Variants in GMDS observed in about 807,000 individuals in gnomAD.
GMDS encodes the protein GDP-mannose 4,6 dehydratase.
GMDS carries 20 observed loss-of-function variants against 49.9 expected under a neutral mutation model. That is an observed-to-expected ratio of 0.40 (90% CI 0.28 to 0.58). GMDS has a LOEUF of 0.58. GMDS is among the 20% of genes least tolerant of loss of function. GMDS has a pLI of 0.42. For missense variants in GMDS, 362 were observed against 481.4 expected (o/e 0.75, Z 2.32); for synonymous variants, 177 against 178.6 (o/e 0.99, Z 0.07).
chr6:2,039,870 T>C (rs1769550605), intron 4 of GMDS, among the ~76,000 whole-genome samples: 1 of 152,208 alleles, frequency 6.6e-6, no homozygotes, highest in South Asian at 2.1e-4. Context: ...GCACATAAAC[T>C]AGTAGTATAG....
intron 9 of GMDS, among the ~76,000 whole-genome samples, chr6:1,653,559 A>G (rs544353668): frequency 3.4e-4 from 52 of 152,332 alleles, no homozygotes; most frequent in Admixed American, 3.1e-3. Context: ...TGAAAACTAC[A>G]AAGATACAGT....
chr6:2,229,408 CAA>C (rs1210456971), intron 1 of GMDS, among the ~76,000 whole-genome samples: 13 of 89,264 alleles, frequency 1.5e-4, no homozygotes, highest in Admixed American at 1.2e-4. Flanking sequence ...CCTGTTTCTA[CAA>C]AAAAAAAAAA....
intron 7 of GMDS, among the ~76,000 whole-genome samples, chr6:1,891,063 C>G (rs774208931): frequency 2.6e-5 from 4 of 152,116 alleles, no homozygotes; most frequent in Non-Finnish European, 4.4e-5. Context: ...TTCACAAAGC[C>G]AACTCCTGAT....
chr6:1,630,009 C>T (rs2077360802), intron 9 of GMDS, among the ~76,000 whole-genome samples: 1 of 152,150 alleles, frequency 6.6e-6, no homozygotes, highest in Non-Finnish European at 1.5e-5. Flanking sequence ...CAGGTGTTCA[C>T]TTCAGGAAAG....
At chr6:1,759,783 C>T (rs1768090191) in intron 7 of GMDS, among the ~76,000 whole-genome samples, 1 of 152,298 alleles carries the variant, frequency 6.6e-6, no homozygotes, top group South Asian at 2.1e-4. Flanking sequence ...GGTATGGCTC[C>T]TTTCTAAAAC....
chr6:1,990,447 C>T (rs2127361875), intron 4 of GMDS, among the ~76,000 whole-genome samples: 1 of 152,356 alleles, frequency 6.6e-6, no homozygotes, highest in East Asian at 1.9e-4. Flanking sequence ...ACCTTCTGCT[C>T]AGATGTTGTC....
At chr6:1,649,185 G>T (rs1352833008) in intron 9 of GMDS, among the ~76,000 whole-genome samples, 1 of 152,176 alleles carries the variant, frequency 6.6e-6, no homozygotes, top group Non-Finnish European at 1.5e-5. Flanking sequence ...TCCTGGTTTG[G>T]AATAATACTG....
chr6:1,825,679 C>T (rs1024230370), intron 7 of GMDS, among the ~76,000 whole-genome samples: 4 of 152,138 alleles, frequency 2.6e-5, no homozygotes, highest in Admixed American at 6.5e-5. Flanking sequence ...CTAAACATTT[C>T]GAAACAGTTT....
chr6:1,804,431 G>A (rs1237689994), intron 7 of GMDS, among the ~76,000 whole-genome samples: 1 of 152,238 alleles, frequency 6.6e-6, no homozygotes, highest in South Asian at 2.1e-4. Flanking sequence ...TGGTAACTGT[G>A]GCGTCTGCCA....
intron 1 of GMDS, among the ~76,000 whole-genome samples, chr6:2,212,221 A>C (rs1310622669): frequency 6.6e-6 from 1 of 152,228 alleles, no homozygotes; most frequent in African/African-American, 2.4e-5. Context: ...TAAAATAGCA[A>C]TATCTCAACT....
chr6:1,762,605 C>G (rs1768202873), intron 7 of GMDS, among the ~76,000 whole-genome samples: 1 of 152,228 alleles, frequency 6.6e-6, no homozygotes, highest in Non-Finnish European at 1.5e-5. Context: ...TTCTTTCTTT[C>G]AGCCTCCAAC....
At chr6:1,828,127 G>C (rs1771205212) in intron 7 of GMDS, among the ~76,000 whole-genome samples, 1 of 152,018 alleles carries the variant, frequency 6.6e-6, no homozygotes, top group Non-Finnish European at 1.5e-5. Context: ...AGAAATTCTG[G>C]AGCTGGAAAG....
chr6:1,713,305 T>G lies in GMDS; in HGVS notation c.987+13111A>C, dbSNP rs147087985. On this transcript the variant is annotated intron_variant, in intron 9 of 10. Coordinates refer to ENST00000380815, the MANE Select transcript of GMDS (RefSeq NM_001500.4). Reference sequence around the variant, plus strand: ...CTCCACTGGACTCCAGTGTGTGTTATCTTTTCACCTCCTTCCTGGGAAGAG... The same window carrying G: ...CTCCACTGGACTCCAGTGTGTGTTAGCTTTTCACCTCCTTCCTGGGAAGAG... Among the ~76,000 whole-genome samples the G allele has an allele frequency of 2.1e-3, 316 of 152,352 alleles. 2 individuals are homozygous for G. The highest frequency in any genetic ancestry group is 7.5e-3 in the African/African-American group (310 of 41,586).
In GMDS at chr6:1,624,072, G is replaced by A; in HGVS notation, c.*97C>T. The A allele has an allele frequency of 3.6e-6, 4 of 1,120,076 alleles. No individual in the cohort carries two copies. Among genetic ancestry groups the A allele is most frequent in the Non-Finnish European group, 5.2e-6 (4 of 767,046 alleles). 69.4% of individuals were successfully genotyped at this position (1,120,076 alleles called of 1,614,324 possible). On this transcript the variant is annotated 3_prime_UTR_variant, in exon 11 of 11. Coordinates refer to ENST00000380815, the MANE Select transcript of GMDS (RefSeq NM_001500.4). ...CGGCAGCAGGGGCCGCAGGGGACCC[G>A]CAGATTGGCACGCCGCTCCCCATCC...
chr6:1,862,674 T>A (rs3778541), intron 7 of GMDS, among the ~76,000 whole-genome samples: 4 of 152,252 alleles, frequency 2.6e-5, no homozygotes, highest in African/African-American at 4.8e-5. Context: ...GAATGACAAC[T>A]CTGTCAAATT....
rs114986183 is a variant in GMDS at position 2,167,794 on chromosome 6, C to T, written c.103-43063G>A. ...TTGCTCCCATCACAAGTTACACAGA[C>T]TTCCATTTCGGCAACATCCCACTCC... On this transcript the variant is annotated intron_variant, in intron 1 of 10. Coordinates refer to ENST00000380815, the MANE Select transcript of GMDS (RefSeq NM_001500.4). Among the ~76,000 whole-genome samples, 585 of 152,240 alleles carry T rather than the reference C, an allele frequency of 3.8e-3. 4 individuals carry two copies. Among genetic ancestry groups the T allele is most frequent in the African/African-American group, 0.013 (556 of 41,554 alleles).
intron 7 of GMDS, among the ~76,000 whole-genome samples, chr6:1,762,342 C>T (rs1768192523): frequency 1.3e-5 from 2 of 152,224 alleles, no homozygotes; most frequent in Admixed American, 1.3e-4. Flanking sequence ...GCATGGGCTC[C>T]TGCTGACGGG....
chr6:1,766,890 G>C lies in GMDS; in HGVS notation c.772-24304C>G, dbSNP rs558491767. On this transcript the variant is annotated intron_variant, in intron 7 of 10. Transcript: ENST00000380815. The surrounding 1 kb of genome is among the most constrained non-coding windows in gnomAD (Gnocchi z 4.5). ...CTGGTCAGCTAGGTCTCCCAGCTCAGCAATCTGGCTTAAAGGAGCACCGGG... is the reference window on the plus strand; with the variant it reads ...CTGGTCAGCTAGGTCTCCCAGCTCACCAATCTGGCTTAAAGGAGCACCGGG... 2.6e-5 allele frequency among the ~76,000 whole-genome samples: 4 copies of C among 152,338 alleles called. No homozygotes were observed. Among genetic ancestry groups the C allele is most frequent in the Admixed American group, 2.0e-4 (3 of 15,306 alleles).
At chr6:2,212,626 C>T (rs1401206043) in intron 1 of GMDS, among the ~76,000 whole-genome samples, 2 of 150,470 alleles carry the variant, frequency 1.3e-5, no homozygotes, top group African/African-American at 4.9e-5. Context: ...GAGAAAACAT[C>T]CTTAGTGGTC....
Sources: allele counts gnomAD v4.1 joint callset (sites outside exome capture counted in the v4.1 genomes callset), GRCh38; gene constraint gnomAD v4.1.1; non-coding constraint Gnocchi (gnomAD v3.1); transcripts MANE v1.5; gene names NCBI Gene and HGNC (gene_info 2026-07-23, HGNC 2026-07-21).